The following UBE2F variants were observed in gnomAD, a reference collection of about 807,000 sequenced individuals.
UBE2F encodes the protein NEDD8-conjugating enzyme UBE2F.
A neutral mutation model predicts 29.6 loss-of-function variants in UBE2F; 5 were observed. That is an observed-to-expected ratio of 0.17 (90% CI 0.09 to 0.36). The LOEUF is 0.36. Ranked by LOEUF, UBE2F falls within the 10% of genes least tolerant of loss-of-function variation. The pLI is 1.00. For synonymous variants in UBE2F, 66 were observed against 81.8 expected, an observed-to-expected ratio of 0.81 and a Z score of 1.04; for missense variants, 141 against 228.5, an observed-to-expected ratio of 0.62 and a Z score of 2.47.
chr2:238,031,393 C>T (rs567017317), intron 7 of UBE2F, among the ~76,000 whole-genome samples: 2 of 152,314 alleles, frequency 1.3e-5, no homozygotes, highest in East Asian at 3.9e-4. Flanking sequence ...CAGTGCTGGC[C>T]TGCTGACCTG....
intron 2 of UBE2F, among the ~76,000 whole-genome samples, chr2:237,977,850 C>G (rs2063312010): frequency 6.6e-6 from 1 of 152,032 alleles, no homozygotes; most frequent in Non-Finnish European, 1.5e-5. Context: ...TCACAAGCAT[C>G]CATAGGTGGT....
intron 4 of UBE2F, among the ~76,000 whole-genome samples, chr2:238,011,518 C>A (rs1436938625): frequency 2.6e-5 from 4 of 152,200 alleles, no homozygotes; most frequent in African/African-American, 9.7e-5. Flanking sequence ...GATGTGTCAC[C>A]AGGGCCTAGA....
intron 6 of UBE2F, among the ~76,000 whole-genome samples, chr2:238,028,689 A>G (rs2064492840): frequency 6.6e-6 from 1 of 152,206 alleles, no homozygotes; most frequent in Non-Finnish European, 1.5e-5. Context: ...TGTTTTTTTT[A>G]ACTGCTCTTC....
intron 2 of UBE2F, among the ~76,000 whole-genome samples, chr2:237,974,667 C>T (rs188993694): frequency 1.3e-5 from 2 of 151,950 alleles, no homozygotes; most frequent in East Asian, 3.9e-4. Context: ...GCGCCTGCCA[C>T]CACGCCCAGC....
chr2:238,026,128 TG>T (rs2064422090), intron 6 of UBE2F, among the ~76,000 whole-genome samples: 1 of 152,242 alleles, frequency 6.6e-6, no homozygotes. Flanking sequence ...TCAGACCACC[TG>T]GACCTGAGTC....
Position 237,967,208 on chromosome 2 carries a change from G to T in UBE2F, c.-17+76G>T. 3 of 984,416 alleles carry T rather than the reference G, an allele frequency of 3.0e-6. No individual in the cohort carries two copies. The highest frequency in any genetic ancestry group is 3.7e-6 in the Non-Finnish European group (3 of 819,674). The allele number at this position is 984,416 out of a possible 1,614,324, so 61.0% of individuals were successfully genotyped here. A position where few individuals can be genotyped will look rare whatever the true frequency, so the allele number is the denominator to read the frequency against. On this transcript the variant is annotated intron_variant, in intron 1 of 9. Coordinates refer to ENST00000272930, the MANE Select transcript of UBE2F (RefSeq NM_080678.3). The surrounding 1 kb of genome is among the most constrained non-coding windows in gnomAD (Gnocchi z 6.3). ...GCACGGGCTGGCCTGCGGGCCGGGC[G>T]GAGGGCGCGGGCGGTGGCGGGGCCG...
intron 9 of UBE2F, among the ~76,000 whole-genome samples, chr2:238,039,340 C>A (rs983426572): frequency 6.6e-6 from 1 of 152,200 alleles, no homozygotes; most frequent in Non-Finnish European, 1.5e-5. Flanking sequence ...GAGAGAGGAG[C>A]GCTCCAGAAA....
rs144687975 is a variant in UBE2F, at chr2:237,991,957, C to T, written c.149-2787C>T. ...CTCAGCTCTCTGCAACCTCTGCCCC[C>T]GGGTTCAAGCAGTTCTCCTGCCTCA... On this transcript the variant is annotated intron_variant, in intron 3 of 9. Transcript: ENST00000272930. Among the ~76,000 whole-genome samples, 261 of 151,918 alleles carry T rather than the reference C, an allele frequency of 1.7e-3. 3 individuals are homozygous for T. The highest frequency in any genetic ancestry group is 8.1e-3 in the East Asian group (42 of 5,172).
chr2:238,036,609 C>A (rs981110545), intron 9 of UBE2F, among the ~76,000 whole-genome samples: 1 of 152,108 alleles, frequency 6.6e-6, no homozygotes, highest in Non-Finnish European at 1.5e-5. Context: ...CCACTGTGGG[C>A]AGATTGCTTG....
At chr2:238,022,175 C>CTTTTTTTTTTTTTTTTTTTTTTTT (rs1162304454) in intron 5 of UBE2F, among the ~76,000 whole-genome samples, 18 of 63,306 alleles carry the variant, frequency 2.8e-4, no homozygotes, top group African/African-American at 6.7e-4. Flanking sequence ...CTTTTCTTTT[C>CTTTTTTTTTTTTTTTTTTTTTTTT]TTTTTTTTTT....
At chr2:238,002,145 A>G (rs945041589) in intron 4 of UBE2F, among the ~76,000 whole-genome samples, 3 of 149,436 alleles carry the variant, frequency 2.0e-5, no homozygotes, top group African/African-American at 7.4e-5. Flanking sequence ...GCTCACTGCA[A>G]CCTCTGCCTC....
intron 3 of UBE2F, among the ~76,000 whole-genome samples, chr2:237,992,664 C>G (rs551487325): frequency 2.0e-5 from 3 of 152,290 alleles, no homozygotes; most frequent in African/African-American, 7.2e-5. Context: ...GAGTCATGAA[C>G]TAGTTATTAA....
At chr2:238,038,606 A>C (rs2064772323) in intron 9 of UBE2F, among the ~76,000 whole-genome samples, 2 of 152,196 alleles carry the variant, frequency 1.3e-5, no homozygotes, top group African/African-American at 4.8e-5. Context: ...CTTCCATTTT[A>C]CCTTTCTTTG....
chr2:238,026,624 T>G (rs756044766), intron 6 of UBE2F, among the ~76,000 whole-genome samples: 3 of 152,068 alleles, frequency 2.0e-5, no homozygotes, highest in Non-Finnish European at 4.4e-5. Flanking sequence ...TAGTAGAGAC[T>G]GGGTTTCACT....
chr2:237,977,337 A>T (rs962187523), intron 2 of UBE2F, among the ~76,000 whole-genome samples: 3 of 152,244 alleles, frequency 2.0e-5, no homozygotes, highest in African/African-American at 7.2e-5. Context: ...AGCACTGGCG[A>T]TAAATGGCAG....
chr2:238,034,025 CCCA>C (rs1401168435), intron 8 of UBE2F, among the ~76,000 whole-genome samples: 1 of 152,008 alleles, frequency 6.6e-6, no homozygotes, highest in African/African-American at 2.4e-5. Context: ...TTTTCTGGAG[CCCA>C]CCATGTCTGT....
intron 6 of UBE2F, among the ~76,000 whole-genome samples, chr2:238,029,951 C>CTTTT (rs36015072): frequency 1.5e-5 from 2 of 135,574 alleles, no homozygotes; most frequent in Non-Finnish European, 1.6e-5. Context: ...TTCTTTCTTT[C>CTTTT]TTTTTTTTTT....
intron 4 of UBE2F, among the ~76,000 whole-genome samples, chr2:237,998,580 A>G (rs941778725): frequency 6.6e-6 from 1 of 151,328 alleles, no homozygotes; most frequent in Non-Finnish European, 1.5e-5. Context: ...AGTATCAATA[A>G]ACCAAAAGCT....
chr2:237,997,832 G>A lies in UBE2F; in HGVS notation c.214+3023G>A, dbSNP rs2063720706. 2.0e-5 allele frequency among the ~76,000 whole-genome samples: 3 copies of A among 152,224 alleles called. No homozygotes were observed. In the South Asian group the frequency reaches 6.2e-4, roughly 31 times the overall value. ...GAAAAACATGGAAATGTAATTTGGT[G>A]ATGGGGAAAAGAAAGGGACCGAATT... On this transcript the variant is annotated intron_variant, in intron 4 of 9. Coordinates refer to ENST00000272930, the MANE Select transcript of UBE2F (RefSeq NM_080678.3).
Sources: gnomAD v4.1 joint callset for allele counts (sites outside exome capture counted in the v4.1 genomes callset) on GRCh38, gnomAD v4.1.1 for gene constraint, Gnocchi (gnomAD v3.1) non-coding constraint, MANE v1.5 for transcripts, NCBI Gene and HGNC (gene_info 2026-07-23, HGNC 2026-07-21) for gene names.